LRRFIP2: variants seen among roughly 807,000 people sequenced by gnomAD.
LRRFIP2 encodes LRR binding FLII interacting protein 2.
A neutral mutation model predicts 125.9 loss-of-function variants in LRRFIP2; 109 were observed. The observed-to-expected ratio is 0.87, with a 90% confidence interval of 0.74 to 1.01. LRRFIP2 has a LOEUF of 1.01. Among genes scored for constraint, LRRFIP2 ranks in the 50% least tolerant of loss-of-function variants. The probability of loss-of-function intolerance (pLI) is 0.00; values close to 1 mark genes in which losing one functional copy is unlikely to be tolerated. For missense variants in LRRFIP2, 850 were observed against 862.3 expected (o/e 0.99, Z 0.18); for synonymous variants, 291 against 293.1 (o/e 0.99, Z 0.07).
At chr3:37,102,591 T>C (rs1423272576) in intron 15 of LRRFIP2, among the ~76,000 whole-genome samples, 3 of 148,226 alleles carry the variant, frequency 2.0e-5, no homozygotes, top group Non-Finnish European at 4.5e-5. Flanking sequence ...CTCCACCTCC[T>C]AGGTTCAAGC....
At chr3:37,106,498 C>T (rs2094330876) in intron 13 of LRRFIP2, among the ~76,000 whole-genome samples, 2 of 152,166 alleles carry the variant, frequency 1.3e-5, no homozygotes, top group African/African-American at 2.4e-5. Flanking sequence ...CCTATAAGGA[C>T]AAGATCCTAC....
intron 1 of LRRFIP2, among the ~76,000 whole-genome samples, chr3:37,149,982 C>G (rs992923764): frequency 1.3e-5 from 2 of 151,444 alleles, no homozygotes; most frequent in African/African-American, 4.9e-5. Flanking sequence ...GCCTGGGTGA[C>G]AGAGAGAGAC....
In LRRFIP2 at chr3:37,112,898, GAGACAAC is replaced by G. The variant is rs1224127321; in HGVS notation, c.438+10_438+16del. ...CAGTACTTCGTGAATTGTGATATGA[GAGACAAC>G]AGAACTAACCAGTAGGTCTTTATGA... On this transcript the variant is annotated intron_variant, in intron 8 of 27. Transcript: ENST00000336686. 2.1e-6 allele frequency: 3 copies of G among 1,453,562 alleles called. No individual in the cohort carries two copies. The highest frequency in any genetic ancestry group is 2.8e-6 in the Non-Finnish European group (3 of 1,056,566). 90.0% of individuals were successfully genotyped at this position (1,453,562 alleles called of 1,614,324 possible).
intron 14 of LRRFIP2, among the ~76,000 whole-genome samples, chr3:37,103,705 GT>G (rs1450687012): frequency 8.5e-5 from 13 of 152,194 alleles, no homozygotes; most frequent in Non-Finnish European, 1.5e-5. Flanking sequence ...CATCCAAAGG[GT>G]AACCCACACA....
At chr3:37,169,192 G>A (rs764754341) in intron 1 of LRRFIP2, among the ~76,000 whole-genome samples, 23 of 151,952 alleles carry the variant, frequency 1.5e-4, no homozygotes, top group Non-Finnish European at 3.1e-4. Context: ...GCATTTCCCA[G>A]AACATATTCC....
At chr3:37,158,057 T>C (rs550666548) in intron 1 of LRRFIP2, among the ~76,000 whole-genome samples, 1 of 152,358 alleles carries the variant, frequency 6.6e-6, no homozygotes, top group African/African-American at 2.4e-5. Context: ...ATTCTATAAA[T>C]GAACATTAAT....
chr3:37,161,737 T>C (rs1260754496), intron 1 of LRRFIP2, among the ~76,000 whole-genome samples: 1 of 148,372 alleles, frequency 6.7e-6, no homozygotes, highest in Admixed American at 6.7e-5. Flanking sequence ...ATAAAAAAAT[T>C]AGTTTTACAA....
At chr3:37,157,391 C>T (rs974341009) in intron 1 of LRRFIP2, among the ~76,000 whole-genome samples, 1 of 152,086 alleles carries the variant, frequency 6.6e-6, no homozygotes, top group Non-Finnish European at 1.5e-5. Context: ...TGCAGTATGC[C>T]TTGATCACAC....
intron 18 of LRRFIP2, among the ~76,000 whole-genome samples, chr3:37,087,023 G>A (rs2093100028): frequency 6.6e-6 from 1 of 151,858 alleles, no homozygotes; most frequent in Non-Finnish European, 1.5e-5. Context: ...TACCACACCT[G>A]GCTAATTTTT....
chr3:37,144,570 T>A (rs1158171191), intron 2 of LRRFIP2, among the ~76,000 whole-genome samples: 1 of 152,042 alleles, frequency 6.6e-6, no homozygotes, highest in Non-Finnish European at 1.5e-5. Context: ...CAAGACCTCA[T>A]CTCAAAAACA....
At position 37,053,899 on chromosome 3, in the gene LRRFIP2, C is replaced by T; in HGVS notation, c.2118G>A (p.Arg706=). The T allele has an allele frequency of 6.2e-7, 1 of 1,614,158 alleles. No individual in the cohort carries two copies. The highest frequency in any genetic ancestry group is 1.3e-5 in the African/African-American group (1 of 75,046). The change falls in exon 28 of 28, where the codon CGG becomes CGA. Residue 706 remains arginine (R), a synonymous_variant. Coordinates refer to ENST00000336686, the MANE Select transcript of LRRFIP2 (RefSeq NM_006309.4). ...MEMTNSHLAK[R]LEKMKANRTA... The stretch of plus-strand genomic sequence containing the variant: ...TCCTATTGGCCTTCATCTTCTCCAG[C>T]CGCTTGGCCAGGTGGCTGTTGGTCA...
chr3:37,082,415 G>A (rs531172167), intron 19 of LRRFIP2, among the ~76,000 whole-genome samples: 32 of 152,220 alleles, frequency 2.1e-4, no homozygotes, highest in Middle Eastern at 3.4e-3. Flanking sequence ...AAAGTACAGA[G>A]AGTTTTCATA....
chr3:37,075,047 G>C lies in LRRFIP2; in HGVS notation c.1348C>G (p.Arg450Gly). 1 of 1,611,738 alleles carries C rather than the reference G, an allele frequency of 6.2e-7. No homozygotes were observed. Among genetic ancestry groups the C allele is most frequent in the Admixed American group, 1.7e-5 (1 of 59,968 alleles). ...ACCTCAATAAGCTCATCTCTTTGCC[G>C]CAGGCCTTCTTTAAGTTCTTCCATC... Reference protein sequence around the residue: ...HKMEELKEGLRQRDELIEEKQ... With the variant: ...HKMEELKEGLGQRDELIEEKQ... The change falls in exon 20 of 28, where the codon CGG becomes GGG. Residue 450 changes from arginine (R) to glycine (G), a missense_variant. Transcript: ENST00000336686.
At chr3:37,081,854 T>TC (rs2092670514) in intron 19 of LRRFIP2, among the ~76,000 whole-genome samples, 1 of 133,894 alleles carries the variant, frequency 7.5e-6, no homozygotes, top group Non-Finnish European at 1.5e-5. Context: ...GCTACTCCAC[T>TC]CCAGCCTGGG....
intron 1 of LRRFIP2, among the ~76,000 whole-genome samples, chr3:37,173,177 G>A (rs1327017859): frequency 7.9e-5 from 12 of 151,782 alleles, no homozygotes; most frequent in East Asian, 7.7e-4. Flanking sequence ...CAGCCTGGGC[G>A]ACAGAGCGAG....
At chr3:37,144,691 C>A (rs1297605263) in intron 2 of LRRFIP2, among the ~76,000 whole-genome samples, 2 of 152,122 alleles carry the variant, frequency 1.3e-5, no homozygotes, top group Non-Finnish European at 2.9e-5. Context: ...GGTGCTAAAA[C>A]TGCTATTTTA....
At chr3:37,120,643 G>A (rs187736540) in intron 6 of LRRFIP2, among the ~76,000 whole-genome samples, 58 of 151,838 alleles carry the variant, frequency 3.8e-4, no homozygotes, top group Non-Finnish European at 1.0e-4. Context: ...TTTATACAAG[G>A]TAGAAAGAAA....
chr3:37,063,220 A>G (rs898034268), intron 24 of LRRFIP2, among the ~76,000 whole-genome samples: 2 of 152,228 alleles, frequency 1.3e-5, no homozygotes, highest in Admixed American at 1.3e-4. Flanking sequence ...AGTAGTGTTT[A>G]GAGGGTCCTA....
At chr3:37,161,688 T>G (rs2096349252) in intron 1 of LRRFIP2, among the ~76,000 whole-genome samples, 1 of 151,438 alleles carries the variant, frequency 6.6e-6, no homozygotes, top group African/African-American at 2.4e-5. Context: ...GGTCACTACT[T>G]TAAAGGGGTA....
Sources: gnomAD v4.1 joint callset for allele counts (sites outside exome capture counted in the v4.1 genomes callset) on GRCh38, gnomAD v4.1.1 for gene constraint, MANE v1.5 for transcripts, NCBI Gene and HGNC (gene_info 2026-07-23, HGNC 2026-07-21) for gene names.